The following AP3S2 variants were observed in gnomAD, a reference collection of about 807,000 sequenced individuals.
AP3S2 encodes adaptor related protein complex 3 subunit sigma 2, also known as AP-3 complex subunit sigma-2.
In AP3S2, 22 loss-of-function variants were observed where a neutral mutation model predicts 23.4. The observed-to-expected ratio is 0.94, with a 90% CI of 0.67 to 1.34. The LOEUF is 1.34. AP3S2 is among the 40% of genes most tolerant of loss of function. AP3S2 has a pLI of 0.00. For missense variants in AP3S2, 241 were observed against 236.9 expected (o/e 1.02, Z -0.11); for synonymous variants, 86 against 87.1 (o/e 0.99, Z 0.07).
intron 4 of AP3S2, among the ~76,000 whole-genome samples, chr15:89,862,363 G>A (rs1041909949): frequency 6.6e-5 from 10 of 152,152 alleles, no homozygotes; most frequent in African/African-American, 2.4e-4. Context: ...TGTTAATTGT[G>A]TTGTGCATCA....
At chr15:89,855,862 A>AG (rs1203070655) in intron 4 of AP3S2, among the ~76,000 whole-genome samples, 1 of 149,574 alleles carries the variant, frequency 6.7e-6, no homozygotes, top group African/African-American at 2.5e-5. Context: ...AAAAAAAAAA[A>AG]AAAGGACTTT....
chr15:89,892,886 C>G (rs1457252990), intron 1 of AP3S2, among the ~76,000 whole-genome samples: 1 of 152,088 alleles, frequency 6.6e-6, no homozygotes, highest in East Asian at 1.9e-4. Flanking sequence ...GGATGGTCTC[C>G]ATCTCCTGAC....
At position 89,876,542 on chromosome 15, in the gene AP3S2, T is replaced by C. The variant is rs191213953; in HGVS notation, c.274-4996A>G. The C allele has an allele frequency of 4.1e-3, 624 of 152,152 alleles. 3 individuals carry two copies. The highest frequency in any genetic ancestry group is 6.2e-3 in the Non-Finnish European group (425 of 68,012). The allele number at this position is 152,152 out of a possible 1,614,324, so 9.4% of individuals were successfully genotyped here. A position where few individuals can be genotyped will look rare whatever the true frequency, so the allele number is the denominator to read the frequency against. ...AGTAAATAAATAAATATGACATGCA[T>C]AGGAAAGAAGCAGAAGTAGTACAGG... On this transcript the variant is annotated intron_variant, in intron 3 of 5. Transcript: ENST00000336418.
At chr15:89,867,874 A>C in intron 4 of AP3S2, among the ~76,000 whole-genome samples, 1 of 122,292 alleles carries the variant, frequency 8.2e-6, no homozygotes, top group African/African-American at 3.0e-5. Context: ...CCATCTGGGA[A>C]GTGAGGAGCG....
chr15:89,858,871 G>A (rs1895931029), intron 4 of AP3S2, among the ~76,000 whole-genome samples: 1 of 152,164 alleles, frequency 6.6e-6, no homozygotes, highest in African/African-American at 2.4e-5. Context: ...CAGTAATAAG[G>A]AATGACTAAC....
chr15:89,845,159 G>C (rs761996087), intron 4 of AP3S2, among the ~76,000 whole-genome samples: 1 of 151,936 alleles, frequency 6.6e-6, no homozygotes, highest in South Asian at 2.1e-4. Context: ...TGCCTACCCC[G>C]GCCTCCCAAA....
intron 4 of AP3S2, among the ~76,000 whole-genome samples, chr15:89,860,239 A>G (rs1307094602): frequency 6.6e-6 from 1 of 152,210 alleles, no homozygotes; most frequent in Non-Finnish European, 1.5e-5. Context: ...CTATACACAC[A>G]TACCTAGGAT....
chr15:89,868,611 G>T (rs1896225626), intron 4 of AP3S2, among the ~76,000 whole-genome samples: 1 of 119,242 alleles, frequency 8.4e-6, no homozygotes, highest in Non-Finnish European at 1.8e-5. Flanking sequence ...TCTGGGAGGT[G>T]AGGGGCGCCT....
At chr15:89,865,752 T>A (rs1404549255) in intron 4 of AP3S2, 2 of 152,198 alleles carry the variant, frequency 1.3e-5, no homozygotes, top group African/African-American at 4.8e-5. Flanking sequence ...AGCATCCATT[T>A]TCAAGAATAT....
At chr15:89,862,026 C>T (rs1896019011) in intron 4 of AP3S2, among the ~76,000 whole-genome samples, 1 of 152,020 alleles carries the variant, frequency 6.6e-6, no homozygotes, top group African/African-American at 2.4e-5. Flanking sequence ...AGTGTCTGGC[C>T]AGTAGTTACG....
At chr15:89,862,645 G>C (rs890770074) in intron 4 of AP3S2, among the ~76,000 whole-genome samples, 1 of 152,182 alleles carries the variant, frequency 6.6e-6, no homozygotes, top group African/African-American at 2.4e-5. Context: ...AGGGAGAAAA[G>C]GTTTTGAATG....
intron 3 of AP3S2, among the ~76,000 whole-genome samples, chr15:89,876,354 G>A (rs1201915148): frequency 6.6e-6 from 1 of 152,034 alleles, no homozygotes; most frequent in Non-Finnish European, 1.5e-5. Flanking sequence ...AGGAGGTGGA[G>A]GTTTCAGTGA....
intron 4 of AP3S2, among the ~76,000 whole-genome samples, chr15:89,848,021 T>C (rs549981618): frequency 1.3e-5 from 2 of 152,298 alleles, no homozygotes; most frequent in South Asian, 4.1e-4. Flanking sequence ...GTAAAATCTT[T>C]TGAGACACTA....
At chr15:89,868,371 C>T (rs1229935004) in intron 4 of AP3S2, among the ~76,000 whole-genome samples, 840 of 71,366 alleles carry the variant, frequency 0.012, 10 homozygotes, top group Middle Eastern at 0.028. Flanking sequence ...CGGCCAGCCG[C>T]CCTGTCCGGG....
chr15:89,851,805 T>C (rs74543697), intron 4 of AP3S2, among the ~76,000 whole-genome samples: 16 of 12,170 alleles, frequency 1.3e-3, no homozygotes, highest in Admixed American at 9.0e-3. Context: ...TGAAATCATT[T>C]TTTTTTTTTT....
At chr15:89,858,525 GAAAGAA>G (rs1389647737) in intron 4 of AP3S2, among the ~76,000 whole-genome samples, 334 of 47,146 alleles carry the variant, frequency 7.1e-3, no homozygotes, top group Middle Eastern at 0.014. Context: ...GAGAGAGAGA[GAAAGAA>G]AGAAAGAAAG....
intron 4 of AP3S2, among the ~76,000 whole-genome samples, chr15:89,857,911 C>G (rs1178570629): frequency 1.3e-5 from 2 of 152,138 alleles, no homozygotes; most frequent in Non-Finnish European, 2.9e-5. Context: ...TGTGTCACTT[C>G]AAGAGCCGGA....
chr15:89,886,507 ATT>A (rs1896705813), intron 3 of AP3S2: 2 of 152,068 alleles, frequency 1.3e-5, no homozygotes, highest in African/African-American at 4.8e-5. Context: ...TGCTTCACCA[ATT>A]TGCATGTCAT....
chr15:89,838,766 G>T (rs1272369530), intron 4 of AP3S2, among the ~76,000 whole-genome samples: 1 of 152,206 alleles, frequency 6.6e-6, no homozygotes, highest in Non-Finnish European at 1.5e-5. Flanking sequence ...CACAGAGACA[G>T]TGGGAGGATG....
Sources: allele counts gnomAD v4.1 joint callset (sites outside exome capture counted in the v4.1 genomes callset), GRCh38; gene constraint gnomAD v4.1.1; transcripts MANE v1.5; gene names NCBI Gene and HGNC (gene_info 2026-07-23, HGNC 2026-07-21).